The following IFT88 variants were observed in gnomAD, a reference collection of about 807,000 sequenced individuals.
IFT88 encodes the protein intraflagellar transport protein 88 homolog.
Under a neutral mutation model 119.5 loss-of-function variants are expected in IFT88, and 74 were observed. The ratio of observed to expected loss-of-function variants is 0.62; its 90% CI spans 0.51 to 0.75. The LOEUF (loss-of-function observed/expected upper bound fraction) is 0.75, where lower values mean the gene tolerates loss of function less well. IFT88 is among the 30% of genes least tolerant of loss of function. IFT88 has a pLI of 0.00. For missense variants in IFT88, 961 were observed against 977.7 expected (o/e 0.98, Z 0.23); for synonymous variants, 279 against 316.7 (o/e 0.88, Z 1.26).
chr13:20,667,752 G>C (rs1229419092), intron 23 of IFT88, among the ~76,000 whole-genome samples: 1 of 151,798 alleles, frequency 6.6e-6, no homozygotes, highest in African/African-American at 2.4e-5. Flanking sequence ...CATTTTCACA[G>C]TTTTATATCC....
intron 14 of IFT88, 127 bp from the exon 15 acceptor site, chr13:20,625,623 G>A: frequency 1.3e-5 from 7 of 558,430 alleles, no homozygotes; most frequent in South Asian, 5.1e-5. Flanking sequence ...GGAGCAAATC[G>A]AGTGCTTACC....
chr13:20,624,669 C>T (rs1029441833), intron 14 of IFT88, among the ~76,000 whole-genome samples: 1 of 152,188 alleles, frequency 6.6e-6, no homozygotes, highest in African/African-American at 2.4e-5. Context: ...TTCTCTCTCT[C>T]TCACACACAA....
chr13:20,597,410 G>A (rs1444720420), intron 9 of IFT88, among the ~76,000 whole-genome samples: 1 of 152,034 alleles, frequency 6.6e-6, no homozygotes, highest in Admixed American at 6.5e-5. Flanking sequence ...AGAAGTTTGC[G>A]ACCAGCCTGG....
chr13:20,623,436 G>A (rs2046836558), intron 14 of IFT88, among the ~76,000 whole-genome samples: 1 of 152,056 alleles, frequency 6.6e-6, no homozygotes, highest in African/African-American at 2.4e-5. Context: ...TAAGTCTTCT[G>A]GTCCATAAAC....
At chr13:20,607,441 G>T in intron 13 of IFT88, 3 of 663,018 alleles carry the variant, frequency 4.5e-6, no homozygotes, top group Non-Finnish European at 8.5e-6. Context: ...GCAACAAGGT[G>T]TACTTGTCAC....
At chr13:20,653,630 T>G (rs1232424107) in intron 20 of IFT88, among the ~76,000 whole-genome samples, 2 of 152,168 alleles carry the variant, frequency 1.3e-5, no homozygotes, top group African/African-American at 4.8e-5. Flanking sequence ...GGTTAAGTGG[T>G]TCTCATATGA....
intron 15 of IFT88, among the ~76,000 whole-genome samples, chr13:20,630,262 C>G (rs916609295): frequency 3.3e-5 from 5 of 152,096 alleles, no homozygotes; most frequent in Non-Finnish European, 5.9e-5. Context: ...TGCCATGTTT[C>G]ATTTAGTCTG....
intron 21 of IFT88, among the ~76,000 whole-genome samples, chr13:20,654,366 T>TG (rs1255029102): frequency 1.3e-5 from 2 of 152,226 alleles, no homozygotes; most frequent in African/African-American, 4.8e-5. Context: ...CAAAGATCAC[T>TG]GGCTATCTTG....
chr13:20,599,666 GT>G, intron 11 of IFT88, 101 bp downstream of exon 11: 1 of 616,590 alleles, frequency 1.6e-6, no homozygotes, highest in Non-Finnish European at 2.9e-6. Context: ...ATTTCAAAGT[GT>G]TTGTACATGA....
In IFT88 at chr13:20,598,658, T is replaced by C. The variant is rs775345911; in HGVS notation, c.602T>C (p.Phe201Ser). The change falls in exon 10 of 26, where the codon TTC becomes TCC. Residue 201 changes from phenylalanine to serine, a missense_variant. Transcript: ENST00000351808. ...INLDLTYSVL[F>S]NLASQYSVNE... ...TAATATTTTCTTCCTTAGGTTCTTT[T>C]CAATTTGGCCAGTCAGTATTCAGTT... 9 of 1,605,006 alleles carry C rather than the reference T, an allele frequency of 5.6e-6. No homozygotes were observed. Among genetic ancestry groups the C allele is most frequent in the Non-Finnish European group, 7.7e-6 (9 of 1,172,676 alleles).
At chr13:20,653,209 A>G (rs1478746563) in intron 20 of IFT88, among the ~76,000 whole-genome samples, 1 of 152,184 alleles carries the variant, frequency 6.6e-6, no homozygotes, top group East Asian at 1.9e-4. Flanking sequence ...ATCTGATTCC[A>G]GTAGGTAGGT....
chr13:20,638,459 A>G lies in IFT88; in HGVS notation c.1514A>G (p.Glu505Gly). 6.5e-7 allele frequency: 1 copy of G among 1,535,324 alleles called. No homozygotes were observed. Among genetic ancestry groups the G allele is most frequent in the Non-Finnish European group, 8.7e-7 (1 of 1,148,462 alleles). The change falls in exon 17 of 26, where the codon GAA becomes GGA. Residue 505 changes from glutamate to glycine, a missense_variant. Coordinates refer to ENST00000351808, the MANE Select transcript of IFT88 (RefSeq NM_006531.5). ...AATGGTGATTATGAGAAGGCCGCTG[A>G]ATTCTATAAAGAGGCTCTAAGAAAT... ...FANGDYEKAA[E>G]FYKEALRNDS...
intron 13 of IFT88, among the ~76,000 whole-genome samples, chr13:20,611,787 G>A (rs976574768): frequency 1.3e-5 from 2 of 152,050 alleles, no homozygotes; most frequent in Admixed American, 1.3e-4. Flanking sequence ...TGTATTTTTA[G>A]TAGACATAAG....
At position 20,690,720 on chromosome 13, in the gene IFT88, A is replaced by G. The variant is rs566137469; in HGVS notation, c.2258A>G (p.Tyr753Cys). The G allele has an allele frequency of 1.6e-5, 26 of 1,611,546 alleles. No individual in the cohort carries two copies. In the African/African-American group the frequency reaches 1.9e-4, roughly 12 times the overall value. The change falls in exon 25 of 26, where the codon TAT (tyrosine) becomes TGT (cysteine). Residue 753 changes from tyrosine (Y) to cysteine (C), a missense_variant. Physicochemically the swap from Tyr to Cys is radical, Grantham distance 194. Coordinates refer to ENST00000351808, the MANE Select transcript of IFT88 (RefSeq NM_006531.5). The stretch of plus-strand genomic sequence containing the variant: ...GTGTTTTCAGATAGTGGCCAGAACT[A>G]TAGTGCCAGTAGTAAAGGTGAACGA... ...GSASGDSGQN[Y>C]SASSKGERLS...
intron 20 of IFT88, among the ~76,000 whole-genome samples, chr13:20,652,480 A>G (rs2051930283): frequency 6.6e-6 from 1 of 151,938 alleles, no homozygotes; most frequent in Non-Finnish European, 1.5e-5. Context: ...AAAAAAAAAT[A>G]AAAACTAGCC....
intron 18 of IFT88, 155 bp downstream of exon 18, chr13:20,641,553 A>G (rs1196163267): frequency 2.0e-6 from 1 of 496,150 alleles, no homozygotes; most frequent in Non-Finnish European, 3.6e-6. Context: ...TGTGATAAAT[A>G]TCATTTGAGT....
intron 23 of IFT88, among the ~76,000 whole-genome samples, chr13:20,665,426 A>C (rs1566416235): frequency 6.6e-6 from 1 of 152,242 alleles, no homozygotes; most frequent in African/African-American, 2.4e-5. Flanking sequence ...CAGTATTAAG[A>C]TCCCATATTT....
At chr13:20,578,218 G>T (rs1165165623) in intron 2 of IFT88, among the ~76,000 whole-genome samples, 1 of 150,030 alleles carries the variant, frequency 6.7e-6, no homozygotes, top group Non-Finnish European at 1.5e-5. Flanking sequence ...CTAATTTTTT[G>T]TATTTTTTTT....
At chr13:20,576,358 C>A (rs1257315051) in intron 2 of IFT88, among the ~76,000 whole-genome samples, 26 of 152,140 alleles carry the variant, frequency 1.7e-4, no homozygotes, top group Admixed American at 1.6e-3. Context: ...CGTGCAGAAG[C>A]TTTTTAACTT....
Sources: allele counts gnomAD v4.1 joint callset (sites outside exome capture counted in the v4.1 genomes callset), GRCh38; gene constraint gnomAD v4.1.1; transcripts MANE v1.5; gene names NCBI Gene and HGNC (gene_info 2026-07-23, HGNC 2026-07-21).